The following LEMD1 variants were observed in gnomAD, a reference collection of about 807,000 sequenced individuals.
LEMD1 encodes the protein LEM domain containing 1, also known as LEM domain-containing protein 1.
In LEMD1, 18 loss-of-function variants were observed where a neutral mutation model predicts 17.4. That is an observed-to-expected ratio of 1.04 (90% CI 0.72 to 1.54). The LOEUF (loss-of-function observed/expected upper bound fraction) is 1.54, where lower values mean the gene tolerates loss of function less well. Among genes scored for constraint, LEMD1 ranks in the 40% most tolerant of loss-of-function variants. The pLI, the probability that LEMD1 is intolerant of heterozygous loss-of-function variation, is 0.00. For missense variants in LEMD1, 195 were observed against 210.4 expected, an observed-to-expected ratio of 0.93 and a Z score of 0.45; for synonymous variants, 88 against 77.8, an observed-to-expected ratio of 1.13 and a Z score of -0.69.
intron 4 of LEMD1, among the ~76,000 whole-genome samples, chr1:205,408,851 T>A (rs1009527589): frequency 1.4e-5 from 2 of 142,570 alleles, no homozygotes; most frequent in African/African-American, 5.4e-5. Context: ...AGGGCACATG[T>A]GACTTAAACA....
intron 1 of LEMD1, among the ~76,000 whole-genome samples, chr1:205,440,406 GAA>G (rs2102464068): frequency 6.6e-6 from 1 of 152,326 alleles, no homozygotes; most frequent in South Asian, 2.1e-4. Flanking sequence ...CAGGGGGCTG[GAA>G]AAGGATTCTT....
chr1:205,382,599 G>T (rs1285013313), intron 5 of LEMD1, among the ~76,000 whole-genome samples: 2 of 152,156 alleles, frequency 1.3e-5, no homozygotes, highest in East Asian at 3.9e-4. Flanking sequence ...GCGTATTGGG[G>T]GATATGAGGT....
At chr1:205,410,710 T>C (rs981699623) in intron 4 of LEMD1, among the ~76,000 whole-genome samples, 1 of 151,844 alleles carries the variant, frequency 6.6e-6, no homozygotes, top group African/African-American at 2.4e-5. Context: ...GGAGACTGAA[T>C]GAAAAAGTAG....
chr1:205,408,917 T>G (rs2102406865), intron 4 of LEMD1, among the ~76,000 whole-genome samples: 1 of 152,122 alleles, frequency 6.6e-6, no homozygotes, highest in Non-Finnish European at 1.5e-5. Flanking sequence ...GCAAGTGGCA[T>G]GATCTGAGAT....
intron 1 of LEMD1, among the ~76,000 whole-genome samples, chr1:205,420,808 G>A (rs1665928817): frequency 6.6e-6 from 1 of 152,162 alleles, no homozygotes; most frequent in Non-Finnish European, 1.5e-5. Context: ...GGCTCAATTA[G>A]TTACAACTGT....
intron 4 of LEMD1, among the ~76,000 whole-genome samples, chr1:205,407,195 C>T (rs1164876066): frequency 4.0e-5 from 6 of 151,796 alleles, no homozygotes; most frequent in African/African-American, 7.3e-5. Context: ...CCAGGTGTGG[C>T]AGCACGTGCC....
In LEMD1 at chr1:205,433,378, G is replaced by A. The variant is rs189247688; in HGVS notation, c.-38-12804C>T. Among the ~76,000 whole-genome samples the A allele has an allele frequency of 6.6e-5, 10 of 152,126 alleles. No homozygotes were observed. In the East Asian group the frequency reaches 1.7e-3, roughly 27 times the overall value. On this transcript the variant is annotated intron_variant, in intron 1 of 3. Coordinates refer to the LEMD1 transcript ENST00000367154. ...AGGCTGAGGCAGGAGAATCGCTTGA[G>A]CCCAACAGGCAGAGGTTGTAGTGAG...
At chr1:205,418,053 C>T (rs901849092) in intron 3 of LEMD1, among the ~76,000 whole-genome samples, 5 of 152,020 alleles carry the variant, frequency 3.3e-5, no homozygotes, top group Admixed American at 6.6e-5. Context: ...AGATGGGTCC[C>T]GCTCTGCATG....
chr1:205,395,617 A>G (rs1664558159), intron 4 of LEMD1, among the ~76,000 whole-genome samples: 1 of 151,844 alleles, frequency 6.6e-6, no homozygotes, highest in South Asian at 2.1e-4. Context: ...AAGAAAAAAA[A>G]GAGAAAGAAA....
chr1:205,431,419 G>A (rs1558740469), intron 1 of LEMD1, among the ~76,000 whole-genome samples: 1 of 152,248 alleles, frequency 6.6e-6, no homozygotes, highest in Non-Finnish European at 1.5e-5. Flanking sequence ...CTTGAGCACA[G>A]GCTATCTGAC....
intron 3 of LEMD1, among the ~76,000 whole-genome samples, chr1:205,417,103 C>T (rs1257106427): frequency 6.6e-6 from 1 of 152,180 alleles, no homozygotes; most frequent in Admixed American, 6.5e-5. Flanking sequence ...GTACCAGTGG[C>T]TATGAGACTT....
chr1:205,398,658 G>A (rs1439127674), intron 4 of LEMD1, among the ~76,000 whole-genome samples: 2 of 152,206 alleles, frequency 1.3e-5, no homozygotes, highest in African/African-American at 4.8e-5. Context: ...TGGAGGCCAA[G>A]AAATGGAGTG....
chr1:205,414,001 GAA>G (rs1445854093), intron 4 of LEMD1, among the ~76,000 whole-genome samples: 3 of 152,096 alleles, frequency 2.0e-5, no homozygotes, highest in African/African-American at 4.8e-5. Flanking sequence ...TAGGGGGTGA[GAA>G]GAGTGAAAAG....
At chr1:205,407,794 C>A (rs140205551) in intron 4 of LEMD1, among the ~76,000 whole-genome samples, 64 of 152,176 alleles carry the variant, frequency 4.2e-4, no homozygotes, top group African/African-American at 1.5e-3. Context: ...TGGACTGAGC[C>A]CCTTAACCTG....
chr1:205,441,188 G>C lies in LEMD1; in HGVS notation c.-39+8680C>G, dbSNP rs577044394. The stretch of plus-strand genomic sequence containing the variant: ...TCATTGCCACTCCCTGAGGCGGCCC[G>C]CTAGGTCTCTCACACCGGCTGGGGG... On this transcript the variant is annotated intron_variant, in intron 1 of 3. Coordinates refer to the LEMD1 transcript ENST00000367154. The surrounding 1 kb of genome is among the most constrained non-coding windows in gnomAD (Gnocchi z 4.3). 6.6e-6 allele frequency: 1 copy of C among 152,278 alleles called. No individual in the cohort carries two copies. Among genetic ancestry groups the C allele is most frequent in the Non-Finnish European group, 1.5e-5 (1 of 68,162 alleles). The allele number at this position is 152,278 out of a possible 1,614,324, so 9.4% of individuals were successfully genotyped here. A position where few individuals can be genotyped will look rare whatever the true frequency, so the allele number is the denominator to read the frequency against.
At chr1:205,412,171 A>G (rs1450808845) in intron 4 of LEMD1, among the ~76,000 whole-genome samples, 2 of 152,162 alleles carry the variant, frequency 1.3e-5, no homozygotes, top group Non-Finnish European at 2.9e-5. Flanking sequence ...TTGACATTGT[A>G]GATTACTCTG....
At chr1:205,413,699 C>T (rs1368164285) in intron 4 of LEMD1, among the ~76,000 whole-genome samples, 2 of 144,520 alleles carry the variant, frequency 1.4e-5, no homozygotes, top group Non-Finnish European at 3.0e-5. Flanking sequence ...GTCACCCAAG[C>T]TGGAGTGTAG....
chr1:205,386,038 G>A (rs1468152669), intron 4 of LEMD1: 1 of 152,856 alleles, frequency 6.5e-6, no homozygotes, highest in Non-Finnish European at 1.5e-5. Flanking sequence ...GACAGGAGAA[G>A]GGCATTTGTG....
At chr1:205,390,900 T>G (rs1309300936) in intron 4 of LEMD1, among the ~76,000 whole-genome samples, 2 of 151,958 alleles carry the variant, frequency 1.3e-5, no homozygotes, top group African/African-American at 2.4e-5. Flanking sequence ...ATGGGAACAA[T>G]AAGCAGGGGA....
Sources: gnomAD v4.1 joint callset for allele counts (sites outside exome capture counted in the v4.1 genomes callset) on GRCh38, gnomAD v4.1.1 for gene constraint, Gnocchi (gnomAD v3.1) non-coding constraint, MANE v1.5 for transcripts, NCBI Gene and HGNC (gene_info 2026-07-23, HGNC 2026-07-21) for gene names.